CSMD1: variants seen among roughly 807,000 people sequenced by gnomAD.
CSMD1 encodes the protein CUB and sushi domain-containing protein 1.
Under a neutral mutation model 417.5 loss-of-function variants are expected in CSMD1, and 213 were observed. That is an observed-to-expected ratio of 0.51 (90% CI 0.46 to 0.57). The LOEUF is 0.57. Ranked by LOEUF, CSMD1 falls within the 20% of genes least tolerant of loss-of-function variation. The probability of loss-of-function intolerance (pLI) is 0.00; values close to 1 mark genes in which losing one functional copy is unlikely to be tolerated. For missense variants in CSMD1, 6,923 were observed against 4,529.7 expected (o/e 1.53, Z -15.17); for synonymous variants, 2,862 against 1,736.8 (o/e 1.65, Z -16.11).
At chr8:3,367,537 A>G (rs1809677804) in intron 19 of CSMD1, among the ~76,000 whole-genome samples, 2 of 152,210 alleles carry the variant, frequency 1.3e-5, no homozygotes, top group Non-Finnish European at 1.5e-5. Flanking sequence ...AGACACATCA[A>G]GCCTTAATCA....
chr8:4,321,676 A>T (rs932105025), intron 3 of CSMD1, among the ~76,000 whole-genome samples: 2 of 152,226 alleles, frequency 1.3e-5, no homozygotes, highest in Non-Finnish European at 2.9e-5. Flanking sequence ...GCTGTTCAAC[A>T]TTCCTAAGAT....
intron 7 of CSMD1, among the ~76,000 whole-genome samples, chr8:3,695,829 C>A (rs899188756): frequency 1.3e-5 from 2 of 152,130 alleles, no homozygotes; most frequent in African/African-American, 2.4e-5. Flanking sequence ...CTTAAAATAG[C>A]ATTATTTGTT....
intron 1 of CSMD1, among the ~76,000 whole-genome samples, chr8:4,810,956 G>T (rs1464267649): frequency 6.6e-6 from 1 of 152,144 alleles, no homozygotes; most frequent in Non-Finnish European, 1.5e-5. Flanking sequence ...AAATAGTGAT[G>T]ATATTAAAGA....
At chr8:3,394,387 AG>A (rs767231162) in intron 17 of CSMD1, among the ~76,000 whole-genome samples, 19 of 151,728 alleles carry the variant, frequency 1.3e-4, no homozygotes, top group South Asian at 2.1e-4. Context: ...AGAAATAAGA[AG>A]AAGACATTTA....
Position 3,816,870 on chromosome 8 carries a change from G to A in CSMD1, c.819-62828C>T, listed in dbSNP as rs545004555. Among the ~76,000 whole-genome samples the A allele has an allele frequency of 3.3e-5, 5 of 152,070 alleles. No individual in the cohort carries two copies. The South Asian group carries it at 1.0e-3, about 32-fold the overall frequency. ...TGGAACATATTTCTCAGGGGTAAGGGGGCACTATATATTTCACTTTCCACA... is the reference window on the plus strand; with the variant it reads ...TGGAACATATTTCTCAGGGGTAAGGAGGCACTATATATTTCACTTTCCACA... On this transcript the variant is annotated intron_variant, in intron 5 of 69. Coordinates refer to ENST00000635120, the MANE Select transcript of CSMD1 (RefSeq NM_033225.6).
At chr8:4,921,872 A>G (rs1477881269) in intron 1 of CSMD1, among the ~76,000 whole-genome samples, 1 of 152,196 alleles carries the variant, frequency 6.6e-6, no homozygotes, top group Admixed American at 6.5e-5. Flanking sequence ...CCCAAGAGTG[A>G]CTGTATTCAC....
intron 3 of CSMD1, among the ~76,000 whole-genome samples, chr8:4,207,240 G>C (rs1263166173): frequency 6.6e-6 from 1 of 152,134 alleles, no homozygotes; most frequent in Non-Finnish European, 1.5e-5. Flanking sequence ...AATATAGCCA[G>C]CATTCCCATT....
At chr8:4,066,633 C>T (rs561271743) in intron 3 of CSMD1, among the ~76,000 whole-genome samples, 5 of 152,210 alleles carry the variant, frequency 3.3e-5, no homozygotes, top group Non-Finnish European at 7.3e-5. Flanking sequence ...TAACCACTAA[C>T]AGCTCTTTGT....
chr8:3,818,606 GA>G (rs147008828), intron 5 of CSMD1, among the ~76,000 whole-genome samples: 1,692 of 152,170 alleles, frequency 0.011, 32 homozygotes, highest in African/African-American at 0.039. Flanking sequence ...CTAGAAAAGG[GA>G]GAAACAGGGT....
intron 7 of CSMD1, among the ~76,000 whole-genome samples, chr8:3,655,287 T>C (rs984834917): frequency 6.6e-6 from 1 of 152,198 alleles, no homozygotes; most frequent in Non-Finnish European, 1.5e-5. Context: ...ATGAAGGCTA[T>C]CTTTGTGCAT....
intron 3 of CSMD1, among the ~76,000 whole-genome samples, chr8:4,350,919 GACCGCCTTCCTTGACACAT>G (rs1801055452): frequency 6.6e-6 from 1 of 152,166 alleles, no homozygotes; most frequent in South Asian, 2.1e-4. Flanking sequence ...GTGCTTACAG[GACCGCCTTCCTTGACACAT>G]ACTTGCTTTC....
At chr8:4,947,133 A>C (rs1246735392) in intron 1 of CSMD1, among the ~76,000 whole-genome samples, 1 of 152,184 alleles carries the variant, frequency 6.6e-6, no homozygotes, top group Non-Finnish European at 1.5e-5. Flanking sequence ...TCTGTGCATA[A>C]ATTTATATTT....
intron 5 of CSMD1, among the ~76,000 whole-genome samples, chr8:3,868,320 C>G (rs1000254681): frequency 2.6e-5 from 4 of 152,026 alleles, no homozygotes; most frequent in Non-Finnish European, 5.9e-5. Flanking sequence ...CATTTTCACC[C>G]GGAGACATTT....
chr8:3,860,720 G>C (rs770014219), intron 5 of CSMD1, among the ~76,000 whole-genome samples: 1 of 152,054 alleles, frequency 6.6e-6, no homozygotes, highest in Admixed American at 6.5e-5. Context: ...TGCAATACAC[G>C]CTAATAGCAA....
chr8:3,150,459 G>C (rs371809137), intron 40 of CSMD1, among the ~76,000 whole-genome samples: 17 of 152,334 alleles, frequency 1.1e-4, no homozygotes, highest in African/African-American at 4.1e-4. Context: ...TGCTGAGCAA[G>C]TCCACCCTGA....
chr8:4,931,555 G>C (rs185359188), intron 1 of CSMD1, among the ~76,000 whole-genome samples: 17 of 144,676 alleles, frequency 1.2e-4, no homozygotes, highest in African/African-American at 4.2e-4. Context: ...GGATCACCCA[G>C]ACTATAGCTG....
intron 5 of CSMD1, among the ~76,000 whole-genome samples, chr8:3,898,199 T>C (rs1338597375): frequency 6.6e-6 from 1 of 152,130 alleles, no homozygotes; most frequent in Non-Finnish European, 1.5e-5. Context: ...AACAAGCTTA[T>C]GAGTATGGAA....
chr8:4,938,519 T>C (rs1295977028), intron 1 of CSMD1, among the ~76,000 whole-genome samples: 1 of 152,202 alleles, frequency 6.6e-6, no homozygotes, highest in Non-Finnish European at 1.5e-5. Flanking sequence ...ACCTGGTGAC[T>C]ACCCAGACAC....
intron 1 of CSMD1, among the ~76,000 whole-genome samples, chr8:4,793,354 C>T (rs889813209): frequency 1.3e-5 from 2 of 152,104 alleles, no homozygotes; most frequent in African/African-American, 4.8e-5. Flanking sequence ...AACTACTACA[C>T]TGATATCATT....
Sources: gnomAD v4.1 joint callset for allele counts (sites outside exome capture counted in the v4.1 genomes callset) on GRCh38, gnomAD v4.1.1 for gene constraint, MANE v1.5 for transcripts, NCBI Gene and HGNC (gene_info 2026-07-23, HGNC 2026-07-21) for gene names.